MPP2: variants seen among roughly 807,000 people sequenced by gnomAD.
MPP2 encodes the protein MAGUK p55 subfamily member 2.
A neutral mutation model predicts 58.5 loss-of-function variants in MPP2; 42 were observed. The ratio of observed to expected loss-of-function variants is 0.72; its 90% confidence interval spans 0.56 to 0.93. The LOEUF (loss-of-function observed/expected upper bound fraction) is 0.93, where lower values mean the gene tolerates loss of function less well. Among genes scored for constraint, MPP2 ranks in the 40% least tolerant of loss-of-function variants. The probability of loss-of-function intolerance (pLI) is 0.00; values close to 1 mark genes in which losing one functional copy is unlikely to be tolerated. For missense variants in MPP2, 632 were observed against 760.4 expected, an observed-to-expected ratio of 0.83 and a Z score of 1.99; for synonymous variants, 300 against 307.8, an observed-to-expected ratio of 0.97 and a Z score of 0.26.
At chr17:43,892,725 C>A (rs1050145649) in intron 3 of MPP2, among the ~76,000 whole-genome samples, 3 of 152,132 alleles carry the variant, frequency 2.0e-5, no homozygotes, top group African/African-American at 7.2e-5. Context: ...CGGAACCATA[C>A]CAGGAATTTC....
chr17:43,883,014 G>A lies in MPP2; in HGVS notation c.342C>T (p.Thr114=). ...CAGGGCTGGGGGGTGGTGTCTCATA[G>A]GTCTTTGAGGCCACAGAGTCGTGCG... ...LETHDSVASK[T]YETPPPSPGL... The change falls in exon 5 of 13, where the codon ACC becomes ACT. Residue 114 remains threonine, a synonymous_variant. Transcript: ENST00000269095. 1 of 1,613,992 alleles carries A rather than the reference G, an allele frequency of 6.2e-7. No homozygotes were observed. The highest frequency in any genetic ancestry group is 8.5e-7 in the Non-Finnish European group (1 of 1,179,970).
At chr17:43,897,072 T>C (rs1279720581) in intron 3 of MPP2, among the ~76,000 whole-genome samples, 6 of 152,294 alleles carry the variant, frequency 3.9e-5, no homozygotes, top group African/African-American at 7.2e-5. Flanking sequence ...CAGCATCTTA[T>C]ACTCAATCCA....
In MPP2 at chr17:43,882,291, G is replaced by C; in HGVS notation, c.674C>G (p.Pro225Arg). Residue 225 changes from proline to arginine, a missense_variant, in exon 6 of 13, where the codon CCC (proline) becomes CGC (arginine). By Grantham distance (103) the Pro-to-Arg change is moderately radical. Transcript: ENST00000269095. ...ILPSYQEPHL[P>R]RQVFVKCHFD... ...GCTGGGTGAGGGGCCCACCTGGCGG[G>C]GCAGATGGGGCTCCTGGTAGCTGGG... The C allele has an allele frequency of 5.6e-6, 9 of 1,610,090 alleles. No homozygotes were observed. The highest frequency in any genetic ancestry group is 7.6e-6 in the Non-Finnish European group (9 of 1,179,338).
chr17:43,900,094 G>A (rs2048024753), intron 2 of MPP2, among the ~76,000 whole-genome samples: 1 of 152,144 alleles, frequency 6.6e-6, no homozygotes, highest in Admixed American at 6.5e-5. Flanking sequence ...AGATGGTTCA[G>A]GGACTCCTGG....
At chr17:43,902,902 A>G (rs948623576) in intron 2 of MPP2, among the ~76,000 whole-genome samples, 2 of 152,238 alleles carry the variant, frequency 1.3e-5, no homozygotes, top group African/African-American at 4.8e-5. Flanking sequence ...ATGATCCCCT[A>G]GAGTAGAATA....
chr17:43,900,443 C>CCCCCCCCAAAGG, intron 2 of MPP2: 1 of 1,546,078 alleles, frequency 6.5e-7, no homozygotes, highest in Non-Finnish European at 8.7e-7. Flanking sequence ...CCAGCTGCCC[C>CCCCCCCCAAAGG]GCCCCCATCT....
chr17:43,894,640 A>C, intron 3 of MPP2, among the ~76,000 whole-genome samples: 1 of 134,100 alleles, frequency 7.5e-6, no homozygotes, highest in Non-Finnish European at 1.6e-5. Context: ...AAAAAAAAGC[A>C]CACATAACAA....
At chr17:43,881,407 C>T (rs753007109) in intron 7 of MPP2, 51 bp downstream of exon 7, 7 of 1,613,876 alleles carry the variant, frequency 4.3e-6, no homozygotes, top group South Asian at 1.1e-5. Context: ...CCTGTGCCCT[C>T]GCCCTCCCAT....
At position 43,881,841 on chromosome 17, in the gene MPP2, T is replaced by A. The variant is rs573610234; in HGVS notation, c.682-252A>T. On this transcript the variant is annotated intron_variant, in intron 6 of 12. Coordinates refer to ENST00000269095, the MANE Select transcript of MPP2 (RefSeq NM_005374.5). The stretch of plus-strand genomic sequence containing the variant: ...TAGGGCACAGGACCCTGGCACCTAA[T>A]CCTGGATCCCTCCCTCCACTCACCC... Among the ~76,000 whole-genome samples the A allele has an allele frequency of 1.6e-4, 24 of 152,166 alleles. No homozygotes were observed. In the South Asian group the frequency reaches 5.0e-3, roughly 32 times the overall value.
chr17:43,877,772 C>A lies in MPP2; in HGVS notation c.*35G>T. 1 of 1,578,282 alleles carries A rather than the reference C, an allele frequency of 6.3e-7. No individual in the cohort carries two copies. Among genetic ancestry groups the A allele is most frequent in the East Asian group, 2.3e-5 (1 of 44,440 alleles). ...GGGGATGGATTCAGGTTCTGGGTTT[C>A]AACACAGAGTGAGCCAAAGACCAGG... On this transcript the variant is annotated 3_prime_UTR_variant, in exon 13 of 13. Coordinates refer to ENST00000269095, the MANE Select transcript of MPP2 (RefSeq NM_005374.5).
chr17:43,902,196 C>T (rs2048120113), intron 2 of MPP2, among the ~76,000 whole-genome samples: 1 of 152,266 alleles, frequency 6.6e-6, no homozygotes, highest in East Asian at 1.9e-4. Flanking sequence ...GCCCCTCGAA[C>T]AACATGAAGG....
intron 2 of MPP2, among the ~76,000 whole-genome samples, chr17:43,898,762 C>T (rs1007061898): frequency 6.6e-6 from 1 of 152,222 alleles, no homozygotes; most frequent in Non-Finnish European, 1.5e-5. Context: ...GCCAGGAGTT[C>T]AAGACCAGCC....
intron 3 of MPP2, among the ~76,000 whole-genome samples, chr17:43,889,278 A>C (rs995251968): frequency 1.3e-5 from 2 of 151,938 alleles, no homozygotes; most frequent in African/African-American, 4.8e-5. Context: ...CCCACCACCC[A>C]AACTAAAAAA....
At position 43,880,908 on chromosome 17, in the gene MPP2, G is replaced by A; in HGVS notation, c.989-56C>T. ...GGCTGCACGGTGAGGGAGGGGCGGA[G>A]CTCTCAGGGAGGCTGAGGGCAAGAG... is the stretch of plus-strand genomic sequence containing the variant. On this transcript the variant is annotated intron_variant, in intron 9 of 12. Coordinates refer to ENST00000269095, the MANE Select transcript of MPP2 (RefSeq NM_005374.5). The surrounding 1 kb of genome is among the most constrained non-coding windows in gnomAD (Gnocchi z 5.2). 6.4e-7 allele frequency: 1 copy of A among 1,565,688 alleles called. No individual in the cohort carries two copies. The highest frequency in any genetic ancestry group is 8.7e-7 in the Non-Finnish European group (1 of 1,153,578).
chr17:43,887,350 C>T (rs575000312), intron 3 of MPP2, among the ~76,000 whole-genome samples: 121 of 152,214 alleles, frequency 7.9e-4, no homozygotes, highest in African/African-American at 2.8e-3. Context: ...CACTACTGCA[C>T]TCCAGCCTGA....
intron 3 of MPP2, among the ~76,000 whole-genome samples, chr17:43,897,166 G>A (rs868196019): frequency 5.3e-5 from 8 of 152,058 alleles, no homozygotes; most frequent in Admixed American, 3.3e-4. Flanking sequence ...ACCCACATTT[G>A]GCCATCATAT....
Position 43,879,957 on chromosome 17 carries a change from T to G in MPP2, c.1178A>C (p.Glu393Ala). 1 of 1,613,940 alleles carries G rather than the reference T, an allele frequency of 6.2e-7. No homozygotes were observed. The highest frequency in any genetic ancestry group is 8.5e-7 in the Non-Finnish European group (1 of 1,179,958). ...PYTSRRPKDSEREGQGYSFVS... is the reference protein window; with the variant it reads ...PYTSRRPKDSAREGQGYSFVS... ...AAAGCTGTAACCCTGACCTTCCCGC[T>G]CTGAGTCTTTCGGCCGCCGGGAGGT... Residue 393 changes from glutamate (E) to alanine (A), a missense_variant, in exon 11 of 13, where the codon GAG (glutamate) becomes GCG (alanine). Glu to Ala is a moderately radical substitution (Grantham distance 107, BLOSUM62 -1). Coordinates refer to ENST00000269095, the MANE Select transcript of MPP2 (RefSeq NM_005374.5). The surrounding 1 kb of genome is among the most constrained non-coding windows in gnomAD (Gnocchi z 4.1).
In MPP2 at chr17:43,898,489, G is replaced by GCCCCTCCCCGGCAACATT. The variant is rs1555611121; in HGVS notation, c.32-127_32-110dup. On this transcript the variant is annotated intron_variant, in intron 2 of 12. Coordinates refer to ENST00000269095, the MANE Select transcript of MPP2 (RefSeq NM_005374.5). ...CCACCCCCATGTCCCACAGAAGGCA[G>GCCCCTCCCCGGCAACATT]CCCCTCCCCGGCAACATTCCCCTCC... The GCCCCTCCCCGGCAACATT allele has an allele frequency of 5.3e-4, 119 of 222,880 alleles. 2 individuals carry two copies. In the South Asian group the frequency reaches 7.1e-3, roughly 13 times the overall value. 13.8% of individuals were successfully genotyped at this position (222,880 alleles called of 1,614,324 possible). A position where few individuals can be genotyped will look rare whatever the true frequency, so the allele number is the denominator to read the frequency against.
rs182174618 is a variant in MPP2 at position 43,889,432 on chromosome 17, G to A, written c.151-6077C>T. On this transcript the variant is annotated intron_variant, in intron 3 of 12. Coordinates refer to ENST00000269095, the MANE Select transcript of MPP2 (RefSeq NM_005374.5). ...GCCTGGAGTGCAATGGCACAATCTCGGCTCACTGCAACCTACACCTCCCGG... is the reference window on the plus strand; with the variant it reads ...GCCTGGAGTGCAATGGCACAATCTCAGCTCACTGCAACCTACACCTCCCGG... Among the ~76,000 whole-genome samples the A allele has an allele frequency of 2.8e-3, 418 of 147,406 alleles. 3 individuals are homozygous for A. The highest frequency in any genetic ancestry group is 9.9e-3 in the African/African-American group (392 of 39,570).
Sources: allele counts gnomAD v4.1 joint callset (sites outside exome capture counted in the v4.1 genomes callset), GRCh38; gene constraint gnomAD v4.1.1; non-coding constraint Gnocchi (gnomAD v3.1); transcripts MANE v1.5; gene names NCBI Gene and HGNC (gene_info 2026-07-23, HGNC 2026-07-21).